Variants in TPRG1 observed in about 807,000 individuals in gnomAD.
The protein encoded by TPRG1 is tumor protein p63 regulated 1, also known as tumor protein p63-regulated gene 1 protein.
TPRG1 carries 29 observed loss-of-function variants against 29.3 expected under a neutral mutation model. That is an observed-to-expected ratio of 0.99 (90% CI 0.74 to 1.35). The LOEUF (loss-of-function observed/expected upper bound fraction) is 1.35, where lower values mean the gene tolerates loss of function less well. Among genes scored for constraint, TPRG1 ranks in the 40% most tolerant of loss-of-function variants. TPRG1 has a pLI of 0.00. For synonymous variants in TPRG1, 130 were observed against 116.8 expected (o/e 1.11, Z -0.73); for missense variants, 327 against 335.0 (o/e 0.98, Z 0.19).
intron 2 of TPRG1, among the ~76,000 whole-genome samples, chr3:189,002,188 G>A (rs1712060220): frequency 6.6e-6 from 1 of 152,200 alleles, no homozygotes; most frequent in Admixed American, 6.5e-5. Flanking sequence ...GCTGCCTCAT[G>A]GGCCCAGGCC....
intron 4 of TPRG1, among the ~76,000 whole-genome samples, chr3:189,037,482 C>T (rs1214997684): frequency 6.6e-6 from 1 of 151,672 alleles, no homozygotes; most frequent in Non-Finnish European, 1.5e-5. Flanking sequence ...TAAATGAGAA[C>T]CTTATTAACT....
intron 4 of TPRG1, among the ~76,000 whole-genome samples, chr3:189,284,187 T>C (rs1370439635): frequency 7.6e-6 from 1 of 130,884 alleles, no homozygotes; most frequent in Non-Finnish European, 1.6e-5. Context: ...CCCTTTTGAA[T>C]TCCTCACTTT....
intron 1 of TPRG1, among the ~76,000 whole-genome samples, chr3:189,199,235 C>G (rs1040156062): frequency 2.0e-5 from 3 of 152,176 alleles, no homozygotes; most frequent in Non-Finnish European, 4.4e-5. Flanking sequence ...GACCTTACAG[C>G]TTTTGAATCA....
intron 1 of TPRG1, among the ~76,000 whole-genome samples, chr3:189,113,585 AAG>A (rs1389307917): frequency 4.6e-5 from 7 of 152,096 alleles, no homozygotes; most frequent in African/African-American, 1.7e-4. Flanking sequence ...TTTTAGCATG[AAG>A]AGTTGTTGAA....
chr3:189,074,842 C>T (rs542155790), intron 4 of TPRG1, among the ~76,000 whole-genome samples: 99 of 151,574 alleles, frequency 6.5e-4, no homozygotes, highest in African/African-American at 1.3e-3. Flanking sequence ...GACGGAGTCT[C>T]GCTCTGTCGC....
chr3:189,005,351 A>G (rs1712233733), intron 3 of TPRG1, among the ~76,000 whole-genome samples: 1 of 152,140 alleles, frequency 6.6e-6, no homozygotes, highest in South Asian at 2.1e-4. Context: ...CTAGTGGAAC[A>G]GATGAGAGGT....
intron 4 of TPRG1, among the ~76,000 whole-genome samples, chr3:189,264,671 GA>G (rs1713747396): frequency 6.6e-6 from 1 of 152,028 alleles, no homozygotes. Context: ...TCACCAAAAA[GA>G]TTTTTTAAGA....
At chr3:189,207,643 C>A in intron 2 of TPRG1, 49 bp downstream of exon 2, 1 of 1,562,186 alleles carries the variant, frequency 6.4e-7, no homozygotes, top group Non-Finnish European at 8.8e-7. Flanking sequence ...CACCCCAAGA[C>A]ATCTTAAAAT....
At chr3:189,256,829 G>A (rs961066854) in intron 4 of TPRG1, among the ~76,000 whole-genome samples, 3 of 151,774 alleles carry the variant, frequency 2.0e-5, no homozygotes, top group African/African-American at 4.8e-5. Context: ...GATTGCAACC[G>A]CTGCTTTCTT....
rs558738319 is a variant in TPRG1 at position 189,058,910 on chromosome 3, T to TA, written c.-463+34965dup. ...ATTGAAAACGTCCCACATGCACAGA[T>TA]ACCAGCAAGCAAGATCGAGCAAACT... On this transcript the variant is annotated intron_variant, in intron 4 of 10. Coordinates refer to the TPRG1 transcript ENST00000433971. 2.2e-4 allele frequency among the ~76,000 whole-genome samples: 34 copies of TA among 152,304 alleles called. No individual in the cohort carries two copies. The South Asian group carries it at 7.0e-3, about 32-fold the overall frequency.
intron 1 of TPRG1, among the ~76,000 whole-genome samples, chr3:189,117,620 G>A (rs912705329): frequency 5.9e-5 from 9 of 152,178 alleles, no homozygotes; most frequent in Non-Finnish European, 1.5e-5. Context: ...CCCCATGGGA[G>A]GTAATTGGAT....
At chr3:189,263,114 G>C (rs1369795612) in intron 4 of TPRG1, among the ~76,000 whole-genome samples, 1 of 152,246 alleles carries the variant, frequency 6.6e-6, no homozygotes, top group Admixed American at 6.5e-5. Flanking sequence ...CACTCCTGGG[G>C]AGGCTCTTCC....
chr3:189,022,559 G>A (rs1162401075), intron 3 of TPRG1, among the ~76,000 whole-genome samples: 1 of 151,724 alleles, frequency 6.6e-6, no homozygotes, highest in Non-Finnish European at 1.5e-5. Flanking sequence ...TCAGGGGTCA[G>A]GGACCCACTT....
intron 4 of TPRG1, among the ~76,000 whole-genome samples, chr3:189,074,493 C>G (rs916479328): frequency 1.3e-5 from 2 of 151,922 alleles, no homozygotes; most frequent in Non-Finnish European, 2.9e-5. Context: ...TGTGAGCCAC[C>G]GCGCCCGGCC....
At position 189,246,680 on chromosome 3, in the gene TPRG1, G is replaced by T. The variant is rs901708085; in HGVS notation, c.479+7771G>T. Among the ~76,000 whole-genome samples the T allele has an allele frequency of 3.9e-5, 6 of 152,022 alleles. No homozygotes were observed. In the East Asian group the frequency reaches 9.7e-4, roughly 24 times the overall value. ...GCATTTCTTGTAGTATAATCTAGTG[G>T]TGATACATTCTCCTAGTTTTTCTTT... is the stretch of plus-strand genomic sequence containing the variant. On this transcript the variant is annotated intron_variant, in intron 4 of 5. Coordinates refer to ENST00000345063, the MANE Select transcript of TPRG1 (RefSeq NM_198485.4).
intron 4 of TPRG1, among the ~76,000 whole-genome samples, chr3:189,271,785 T>C (rs902186089): frequency 6.6e-6 from 1 of 152,210 alleles, no homozygotes; most frequent in African/African-American, 2.4e-5. Context: ...GGGAAAAGCA[T>C]GTGCTTGGGA....
At chr3:189,194,149 G>A (rs1732161581) in intron 1 of TPRG1, among the ~76,000 whole-genome samples, 1 of 151,888 alleles carries the variant, frequency 6.6e-6, no homozygotes, top group Non-Finnish European at 1.5e-5. Flanking sequence ...TAGGTGCAAT[G>A]GTATGATCTC....
At position 189,113,122 on chromosome 3, in the gene TPRG1, T is replaced by G. The variant is rs551563735; in HGVS notation, c.-744+12918T>G. ...TTGTAAGTTGGATTCCTAGGTATTT[T>G]ATTCTCTTTGAAGCAATTGTGAATG... On this transcript the variant is annotated intron_variant, in intron 1 of 6. Transcript: ENST00000412373. 2.1e-3 allele frequency among the ~76,000 whole-genome samples: 316 copies of G among 152,328 alleles called. 1 individual carries two copies. The highest frequency in any genetic ancestry group is 7.2e-3 in the African/African-American group (301 of 41,568).
At chr3:189,125,085 T>A (rs1722295680) in intron 1 of TPRG1, among the ~76,000 whole-genome samples, 2 of 152,222 alleles carry the variant, frequency 1.3e-5, no homozygotes, top group Admixed American at 1.3e-4. Flanking sequence ...ATTGGATGAT[T>A]TATTTAATTA....
Sources: gnomAD v4.1 joint callset for allele counts (sites outside exome capture counted in the v4.1 genomes callset) on GRCh38, gnomAD v4.1.1 for gene constraint, MANE v1.5 for transcripts, NCBI Gene and HGNC (gene_info 2026-07-23, HGNC 2026-07-21) for gene names.